HEATR5A: variants seen among roughly 807,000 people sequenced by gnomAD.
HEATR5A encodes HEAT repeat-containing protein 5A.
Under a neutral mutation model 218.8 loss-of-function variants are expected in HEATR5A, and 178 were observed. That is an observed-to-expected ratio of 0.81 (90% CI 0.72 to 0.92). The LOEUF (loss-of-function observed/expected upper bound fraction) is 0.92, where lower values mean the gene tolerates loss of function less well. Among genes scored for constraint, HEATR5A ranks in the 40% least tolerant of loss-of-function variants. The pLI, the probability that HEATR5A is intolerant of heterozygous loss-of-function variation, is 0.00. For synonymous variants in HEATR5A, 864 were observed against 871.6 expected, an observed-to-expected ratio of 0.99 and a Z score of 0.15; for missense variants, 2,420 against 2,418.9, an observed-to-expected ratio of 1.00 and a Z score of -0.01.
intron 22 of HEATR5A, among the ~76,000 whole-genome samples, chr14:31,327,190 G>C (rs755021849): frequency 6.6e-6 from 1 of 151,158 alleles, no homozygotes; most frequent in Non-Finnish European, 1.5e-5. Flanking sequence ...GGTCAGGCTG[G>C]TCTTGAACTC....
At position 31,383,651 on chromosome 14, in the gene HEATR5A, T is replaced by A; in HGVS notation, c.1466A>T (p.Asp489Val). The A allele has an allele frequency of 1.2e-6, 2 of 1,613,972 alleles. No individual in the cohort carries two copies. The highest frequency in any genetic ancestry group is 1.7e-6 in the Non-Finnish European group (2 of 1,179,894). Residue 489 changes from aspartate (D) to valine (V), a missense_variant, in exon 10 of 36, where the codon GAT becomes GTT. Transcript: ENST00000543095. ...ALPSYLTPLL[D>V]RCLERLTGHK... Reference sequence around the variant, plus strand: ...TCCAGTAAGCCGTTCAAGGCAACGATCCAAGAGTGGTGTTAGGTAGGAGGG... The same window carrying A: ...TCCAGTAAGCCGTTCAAGGCAACGAACCAAGAGTGGTGTTAGGTAGGAGGG...
In HEATR5A at chr14:31,292,592, T is replaced by C. The variant is rs1477195661; in HGVS notation, c.*713A>G. 2.6e-5 allele frequency: 4 copies of C among 152,068 alleles called. No individual in the cohort carries two copies. The highest frequency in any genetic ancestry group is 5.9e-5 in the Non-Finnish European group (4 of 68,024). The allele number at this position is 152,068 out of a possible 1,614,324, so 9.4% of individuals were successfully genotyped here. On this transcript the variant is annotated 3_prime_UTR_variant, in exon 36 of 36. Transcript: ENST00000543095. Reference sequence around the variant, plus strand: ...TACTGAATAAGGCAGAATTTTTTTTTTTTTTTTTTAGATGGAGTCTCACTC... The same window carrying C: ...TACTGAATAAGGCAGAATTTTTTTTCTTTTTTTTTAGATGGAGTCTCACTC...
intron 30 of HEATR5A, among the ~76,000 whole-genome samples, chr14:31,307,557 G>A (rs1899594011): frequency 6.6e-6 from 1 of 152,094 alleles, no homozygotes; most frequent in African/African-American, 2.4e-5. Flanking sequence ...TAAGATACAG[G>A]TATATACACA....
At chr14:31,312,089 G>A (rs1595085412) in intron 28 of HEATR5A, among the ~76,000 whole-genome samples, 1 of 152,312 alleles carries the variant, frequency 6.6e-6, no homozygotes, top group African/African-American at 2.4e-5. Context: ...AACTGACAGG[G>A]AGAGGGTAGG....
At position 31,318,341 on chromosome 14, in the gene HEATR5A, C is replaced by T. The variant is rs775054177; in HGVS notation, c.3970-49G>A. The T allele has an allele frequency of 2.8e-5, 38 of 1,338,290 alleles. No homozygotes were observed. The East Asian group carries it at 8.5e-4, about 30-fold the overall frequency. The allele number at this position is 1,338,290 out of a possible 1,614,324, so 82.9% of individuals were successfully genotyped here. A position where few individuals can be genotyped will look rare whatever the true frequency, so the allele number is the denominator to read the frequency against. On this transcript the variant is annotated intron_variant, in intron 25 of 35. Coordinates refer to ENST00000543095, the MANE Select transcript of HEATR5A (RefSeq NM_015473.4). ...TCAAACATCAAGAAGTAAGACAGCACAAGTTCTCCCTCTTTTTAATGTTAT... is the reference window on the plus strand; with the variant it reads ...TCAAACATCAAGAAGTAAGACAGCATAAGTTCTCCCTCTTTTTAATGTTAT...
chr14:31,333,211 G>T (rs1900535056), intron 22 of HEATR5A, among the ~76,000 whole-genome samples: 1 of 152,056 alleles, frequency 6.6e-6, no homozygotes. Flanking sequence ...CATCAAGTTA[G>T]CCAGAAGACG....
At chr14:31,303,269 C>T (rs1156984638) in intron 32 of HEATR5A, among the ~76,000 whole-genome samples, 1 of 151,814 alleles carries the variant, frequency 6.6e-6, no homozygotes, top group African/African-American at 2.4e-5. Flanking sequence ...CCTGTCTCTA[C>T]TAAAAATACA....
chr14:31,379,246 C>T (rs1435856390), intron 11 of HEATR5A, among the ~76,000 whole-genome samples: 1 of 146,508 alleles, frequency 6.8e-6, no homozygotes, highest in Non-Finnish European at 1.5e-5. Context: ...TGCGCCCGAA[C>T]TATTCATTTT....
At chr14:31,307,862 A>C in intron 30 of HEATR5A, 31 bp downstream of exon 30, 1 of 1,602,288 alleles carries the variant, frequency 6.2e-7, no homozygotes, top group Non-Finnish European at 8.5e-7. Context: ...AGACTACAGA[A>C]GCCTTACAAA....
At chr14:31,294,546 A>T (rs1321207431) in intron 34 of HEATR5A, among the ~76,000 whole-genome samples, 1 of 151,280 alleles carries the variant, frequency 6.6e-6, no homozygotes, top group Non-Finnish European at 1.5e-5. Flanking sequence ...AGTCGCTGGG[A>T]CTACAGGCGT....
intron 24 of HEATR5A, among the ~76,000 whole-genome samples, chr14:31,322,569 AG>A (rs1900141102): frequency 6.6e-6 from 1 of 152,206 alleles, no homozygotes; most frequent in South Asian, 2.1e-4. Context: ...CTGTAATCCC[AG>A]CACTTTGGGA....
At chr14:31,323,021 T>A (rs1344106330) in intron 24 of HEATR5A, among the ~76,000 whole-genome samples, 2 of 152,092 alleles carry the variant, frequency 1.3e-5, no homozygotes, top group African/African-American at 4.8e-5. Flanking sequence ...TTAGTTAATA[T>A]CTATGATACT....
At chr14:31,316,235 T>C (rs1171448964) in intron 26 of HEATR5A, among the ~76,000 whole-genome samples, 1 of 152,110 alleles carries the variant, frequency 6.6e-6, no homozygotes, top group East Asian at 1.9e-4. Context: ...TGAGCTAGGA[T>C]TGAGCCACGT....
chr14:31,310,726 A>G (rs1050416382), intron 28 of HEATR5A, among the ~76,000 whole-genome samples: 1 of 152,156 alleles, frequency 6.6e-6, no homozygotes, highest in Non-Finnish European at 1.5e-5. Flanking sequence ...TACAGTTGCT[A>G]TATGTCTGTC....
Position 31,323,751 on chromosome 14 carries a change from C to T in HEATR5A, c.3601G>A (p.Gly1201Arg), listed in dbSNP as rs1270492106. ...DTMQEEEGDK[G>R]DDASVLTTRR... ...GTGGTCAGGACTGAGGCATCATCCC[C>T]TTTATCTCCTTCTTCTTCTTGCATT... The change falls in exon 24 of 36, where the codon GGG becomes AGG. Residue 1201 changes from glycine (G) to arginine (R), a missense_variant. Physicochemically the swap from Gly to Arg is moderately radical, Grantham distance 125. Transcript: ENST00000543095. 3 of 1,608,614 alleles carry T rather than the reference C, an allele frequency of 1.9e-6. No homozygotes were observed. The highest frequency in any genetic ancestry group is 2.6e-6 in the Non-Finnish European group (3 of 1,175,208).
In HEATR5A at chr14:31,312,906, A is replaced by AAAAAAG. The variant is rs1555366537; in HGVS notation, c.4441+61_4441+62insCTTTTT. On this transcript the variant is annotated intron_variant, in intron 28 of 35. Transcript: ENST00000543095. ...AAGTAAGACCCTGTCAAAAACAAAA[A>AAAAAAG]AAAAGAAAAGAAAATGTGTTACTGT... The AAAAAAG allele has an allele frequency of 1.4e-5, 20 of 1,384,704 alleles. No homozygotes were observed. The Admixed American group carries it at 1.5e-4, about 11-fold the overall frequency. 85.8% of individuals were successfully genotyped at this position (1,384,704 alleles called of 1,614,324 possible).
intron 16 of HEATR5A, among the ~76,000 whole-genome samples, chr14:31,354,295 A>T (rs11156666): frequency 0.33 from 50,660 of 152,096 alleles, 9,709 homozygotes; most frequent in Non-Finnish European, 0.41. Context: ...AAGTTATAAA[A>T]ATACGTAAGG....
intron 26 of HEATR5A, among the ~76,000 whole-genome samples, chr14:31,316,285 C>G (rs967776723): frequency 6.6e-6 from 1 of 151,250 alleles, no homozygotes; most frequent in African/African-American, 2.4e-5. Flanking sequence ...GAGACCCCAT[C>G]TCTTAAAAAA....
intron 9 of HEATR5A, 137 bp downstream of exon 9, chr14:31,386,283 C>T (rs540725885): frequency 9.2e-6 from 6 of 650,556 alleles, no homozygotes; most frequent in African/African-American, 5.7e-5. Context: ...TTTTAATAAT[C>T]CTGATTATAA....
Sources: allele counts gnomAD v4.1 joint callset (sites outside exome capture counted in the v4.1 genomes callset), GRCh38; gene constraint gnomAD v4.1.1; transcripts MANE v1.5; gene names NCBI Gene and HGNC (gene_info 2026-07-23, HGNC 2026-07-21).